The following GRM7 variants were observed in gnomAD, a reference collection of about 807,000 sequenced individuals.
GRM7 encodes glutamate metabotropic receptor 7.
Under a neutral mutation model 84.5 loss-of-function variants are expected in GRM7, and 35 were observed. That is an observed-to-expected ratio of 0.41 (90% CI 0.32 to 0.55). The LOEUF (loss-of-function observed/expected upper bound fraction) is 0.55, where lower values mean the gene tolerates loss of function less well. Ranked by LOEUF, GRM7 falls within the 20% of genes least tolerant of loss-of-function variation. The pLI, the probability that GRM7 is intolerant of heterozygous loss-of-function variation, is 0.19. For synonymous variants in GRM7, 487 were observed against 455.1 expected, an observed-to-expected ratio of 1.07 and a Z score of -0.89; for missense variants, 1,003 against 1,194.6, an observed-to-expected ratio of 0.84 and a Z score of 2.36.
At chr3:7,509,746 C>T (rs756138292) in intron 7 of GRM7, among the ~76,000 whole-genome samples, 28 of 151,876 alleles carry the variant, frequency 1.8e-4, no homozygotes, top group Middle Eastern at 3.2e-3. Flanking sequence ...TCTCTGAGTA[C>T]GTGACAAGCG....
chr3:6,926,267 C>A (rs1575022691), intron 1 of GRM7, among the ~76,000 whole-genome samples: 2 of 152,150 alleles, frequency 1.3e-5, no homozygotes, highest in African/African-American at 4.8e-5. Context: ...GATCTATCTG[C>A]TTTTTTCTAC....
At chr3:7,290,220 A>G (rs1699575256) in intron 2 of GRM7, among the ~76,000 whole-genome samples, 1 of 152,166 alleles carries the variant, frequency 6.6e-6, no homozygotes, top group Non-Finnish European at 1.5e-5. Context: ...GACATCAGAA[A>G]TCAATCAAAC....
intron 9 of GRM7, among the ~76,000 whole-genome samples, chr3:7,718,391 C>T (rs1193529560): frequency 6.6e-6 from 1 of 152,170 alleles, no homozygotes; most frequent in Non-Finnish European, 1.5e-5. Context: ...CCCTATAACT[C>T]ACTGACTGTT....
At chr3:7,149,630 A>C (rs1694216612) in intron 2 of GRM7, among the ~76,000 whole-genome samples, 1 of 152,224 alleles carries the variant, frequency 6.6e-6, no homozygotes, top group East Asian at 1.9e-4. Flanking sequence ...AAATAAGCAC[A>C]CTGGTTATGC....
At chr3:6,955,213 AT>A (rs202125020) in intron 1 of GRM7, among the ~76,000 whole-genome samples, 2,635 of 152,322 alleles carry the variant, frequency 0.017, 61 homozygotes, top group East Asian at 0.11. Flanking sequence ...ATTATAAAGA[AT>A]AATACTGCAT....
chr3:7,600,933 A>G (rs1696280073), intron 8 of GRM7, among the ~76,000 whole-genome samples: 2 of 152,156 alleles, frequency 1.3e-5, no homozygotes, highest in Admixed American at 6.6e-5. Flanking sequence ...AGCAATGTCT[A>G]CCAGTGCAAC....
intron 1 of GRM7, among the ~76,000 whole-genome samples, chr3:7,102,194 A>T (rs1218502348): frequency 1.3e-5 from 2 of 151,774 alleles, no homozygotes; most frequent in African/African-American, 4.8e-5. Context: ...CATTTCTTGC[A>T]TGCAGTTCTG....
At chr3:7,524,379 A>G (rs1416209098) in intron 7 of GRM7, among the ~76,000 whole-genome samples, 1 of 128,152 alleles carries the variant, frequency 7.8e-6, no homozygotes, top group Non-Finnish European at 1.6e-5. Context: ...ACAAAGGGCT[A>G]ATATCCAGAA....
chr3:7,489,741 C>T (rs1271709948), intron 7 of GRM7, among the ~76,000 whole-genome samples: 1 of 152,112 alleles, frequency 6.6e-6, no homozygotes, highest in African/African-American at 2.4e-5. Flanking sequence ...AATATATGCT[C>T]TTCATATATT....
chr3:7,031,913 A>G (rs1416440800), intron 1 of GRM7, among the ~76,000 whole-genome samples: 2 of 152,110 alleles, frequency 1.3e-5, no homozygotes, highest in African/African-American at 4.8e-5. Context: ...GCCAAGAAAA[A>G]TCAACTATGA....
chr3:7,588,034 C>G (rs1001189475), intron 8 of GRM7, among the ~76,000 whole-genome samples: 2 of 152,052 alleles, frequency 1.3e-5, no homozygotes, highest in Non-Finnish European at 2.9e-5. Flanking sequence ...CCTCCCTCCC[C>G]AAGTAAAGCA....
intron 4 of GRM7, among the ~76,000 whole-genome samples, chr3:7,324,927 A>G (rs1339123522): frequency 6.6e-6 from 1 of 152,158 alleles, no homozygotes; most frequent in Non-Finnish European, 1.5e-5. Context: ...TTCTTCCAGT[A>G]TATATCAGCC....
At chr3:7,720,168 A>G (rs1180817547) in intron 9 of GRM7, among the ~76,000 whole-genome samples, 1 of 152,178 alleles carries the variant, frequency 6.6e-6, no homozygotes, top group African/African-American at 2.4e-5. Flanking sequence ...TCACAAGATC[A>G]CAGCAAAGCT....
intron 4 of GRM7, among the ~76,000 whole-genome samples, chr3:7,350,037 C>T (rs1693066553): frequency 6.6e-6 from 1 of 152,082 alleles, no homozygotes; most frequent in African/African-American, 2.4e-5. Context: ...ACAGGCCTCA[C>T]TTGATCCGTG....
At chr3:7,092,688 A>G (rs1045225179) in intron 1 of GRM7, among the ~76,000 whole-genome samples, 1 of 152,046 alleles carries the variant, frequency 6.6e-6, no homozygotes, top group African/African-American at 2.4e-5. Flanking sequence ...ACCTGCTGCT[A>G]TTTTTGAGAA....
chr3:6,902,745 T>G (rs1696433314), intron 1 of GRM7, among the ~76,000 whole-genome samples: 1 of 152,028 alleles, frequency 6.6e-6, no homozygotes, highest in Admixed American at 6.6e-5. Flanking sequence ...GTCTACTTGT[T>G]TATTCTTGAC....
chr3:7,619,502 A>G (rs1697261693), intron 8 of GRM7, among the ~76,000 whole-genome samples: 1 of 152,084 alleles, frequency 6.6e-6, no homozygotes, highest in African/African-American at 2.4e-5. Context: ...CCTATATACT[A>G]AACTGTAGAA....
intron 7 of GRM7, among the ~76,000 whole-genome samples, chr3:7,490,965 G>GA (rs1336894640): frequency 2.6e-5 from 4 of 151,630 alleles, no homozygotes; most frequent in South Asian, 2.1e-4. Context: ...ATCTAAAATA[G>GA]AAAAAATCTG....
chr3:7,404,457 G>A (rs1314422190), intron 4 of GRM7, among the ~76,000 whole-genome samples: 5 of 152,176 alleles, frequency 3.3e-5, no homozygotes, highest in Admixed American at 1.3e-4. Flanking sequence ...TGGAAGTTGA[G>A]AAAGAAATAG....
Sources: gnomAD v4.1 joint callset for allele counts (sites outside exome capture counted in the v4.1 genomes callset) on GRCh38, gnomAD v4.1.1 for gene constraint, MANE v1.5 for transcripts, NCBI Gene and HGNC (gene_info 2026-07-23, HGNC 2026-07-21) for gene names.